Variants in LRBA observed in about 807,000 individuals in gnomAD.
The protein encoded by LRBA is lipopolysaccharide-responsive and beige-like anchor protein.
In LRBA, 176 loss-of-function variants were observed where a neutral mutation model predicts 330.0. The ratio of observed to expected loss-of-function variants is 0.53; its 90% CI spans 0.47 to 0.60. LRBA has a LOEUF of 0.60. LRBA is among the 20% of genes least tolerant of loss of function. The probability of loss-of-function intolerance (pLI) is 0.00; values close to 1 mark genes in which losing one functional copy is unlikely to be tolerated. For synonymous variants in LRBA, 1,230 were observed against 1,193.0 expected (o/e 1.03, Z -0.64); for missense variants, 3,259 against 3,444.8 (o/e 0.95, Z 1.35).
At chr4:150,960,441 A>C (rs903188718) in intron 2 of LRBA, among the ~76,000 whole-genome samples, 6 of 149,402 alleles carry the variant, frequency 4.0e-5, no homozygotes, top group Admixed American at 3.3e-4. Context: ...CAGGTTTTTT[A>C]AAAGGTCCAG....
At chr4:150,960,454 T>A (rs1738023179) in intron 2 of LRBA, among the ~76,000 whole-genome samples, 1 of 149,232 alleles carries the variant, frequency 6.7e-6, no homozygotes, top group South Asian at 2.1e-4. Flanking sequence ...AGGTCCAGGT[T>A]TTTTTAACAG....
At chr4:150,598,554 G>A (rs1191436761) in intron 38 of LRBA, among the ~76,000 whole-genome samples, 2 of 151,998 alleles carry the variant, frequency 1.3e-5, no homozygotes, top group Non-Finnish European at 1.5e-5. Context: ...TAGGCAATTG[G>A]ACATTTATTA....
chr4:150,789,406 T>C (rs1342969251), intron 34 of LRBA, among the ~76,000 whole-genome samples: 1 of 152,210 alleles, frequency 6.6e-6, no homozygotes, highest in African/African-American at 2.4e-5. Flanking sequence ...AAATGTACAA[T>C]AGATGGAATG....
intron 44 of LRBA, among the ~76,000 whole-genome samples, chr4:150,456,371 GGAGT>G (rs1348356050): frequency 6.6e-6 from 1 of 152,124 alleles, no homozygotes; most frequent in Non-Finnish European, 1.5e-5. Context: ...CATTTTAATT[GGAGT>G]GAGATGATAG....
intron 3 of LRBA, 67 bp from the exon 4 acceptor site, chr4:150,928,683 G>T: frequency 7.3e-7 from 1 of 1,378,880 alleles, no homozygotes; most frequent in Non-Finnish European, 1.0e-6. Context: ...AAAATAAACT[G>T]TGCTTATTTA....
intron 34 of LRBA, among the ~76,000 whole-genome samples, chr4:150,772,509 G>A (rs992007597): frequency 3.3e-5 from 5 of 152,158 alleles, no homozygotes; most frequent in Non-Finnish European, 5.9e-5. Context: ...TGGCTTAGTA[G>A]GACAGATAAC....
chr4:150,814,156 A>C (rs1744204185), intron 31 of LRBA, among the ~76,000 whole-genome samples: 1 of 152,120 alleles, frequency 6.6e-6, no homozygotes, highest in African/African-American at 2.4e-5. Flanking sequence ...AAAGTCAAAA[A>C]ATTGTTAAGA....
intron 22 of LRBA, among the ~76,000 whole-genome samples, chr4:150,857,001 A>G (rs1258468877): frequency 1.3e-5 from 2 of 152,292 alleles, no homozygotes; most frequent in African/African-American, 4.8e-5. Flanking sequence ...TTTAATCTAT[A>G]CATTAAAACC....
intron 35 of LRBA, among the ~76,000 whole-genome samples, chr4:150,735,878 A>T (rs1731115153): frequency 6.6e-6 from 1 of 152,216 alleles, no homozygotes. Context: ...AGCAGGAATC[A>T]AGTGTACCCC....
chr4:150,914,512 G>C (rs1316446592), intron 8 of LRBA, among the ~76,000 whole-genome samples, 171 bp from the exon 9 acceptor site: 1 of 152,070 alleles, frequency 6.6e-6, no homozygotes, highest in Non-Finnish European at 1.5e-5. Context: ...TGTATGTAAT[G>C]ACATTAGGGG....
intron 37 of LRBA, among the ~76,000 whole-genome samples, chr4:150,636,753 T>A (rs911635791): frequency 6.6e-5 from 10 of 152,176 alleles, no homozygotes; most frequent in African/African-American, 2.4e-4. Flanking sequence ...GCTCAAGCGA[T>A]CCTTCTGCCT....
At chr4:150,405,288 T>C (rs1451354845) in intron 47 of LRBA, among the ~76,000 whole-genome samples, 1 of 152,196 alleles carries the variant, frequency 6.6e-6, no homozygotes, top group Non-Finnish European at 1.5e-5. Flanking sequence ...TTGTTAGTAA[T>C]ACAGAAAAGG....
At chr4:150,759,624 A>C (rs907683987) in intron 35 of LRBA, among the ~76,000 whole-genome samples, 1 of 152,046 alleles carries the variant, frequency 6.6e-6, no homozygotes. Context: ...CATCTGCTCC[A>C]TATTTTTTCT....
At chr4:150,305,550 C>T (rs1342682261) in intron 52 of LRBA, among the ~76,000 whole-genome samples, 1 of 152,076 alleles carries the variant, frequency 6.6e-6, no homozygotes, top group Admixed American at 6.5e-5. Context: ...GTGGGGCAGA[C>T]AGTCATTAAA....
chr4:150,456,091 C>T (rs151237926), intron 44 of LRBA, among the ~76,000 whole-genome samples: 9 of 152,252 alleles, frequency 5.9e-5, no homozygotes, highest in Non-Finnish European at 1.2e-4. Flanking sequence ...ACTTAGGTTG[C>T]TTCCAAATCT....
chr4:150,478,955 T>A (rs1459721515), intron 42 of LRBA, among the ~76,000 whole-genome samples: 1 of 152,200 alleles, frequency 6.6e-6, no homozygotes, highest in Non-Finnish European at 1.5e-5. Flanking sequence ...TGACACATTG[T>A]AAGTGAAAAT....
At chr4:150,421,196 A>G (rs1318040095) in intron 46 of LRBA, among the ~76,000 whole-genome samples, 1 of 135,896 alleles carries the variant, frequency 7.4e-6, no homozygotes, top group African/African-American at 2.7e-5. Context: ...TATAAAACAT[A>G]TATAATATAT....
At position 150,365,160 on chromosome 4, in the gene LRBA, C is replaced by A. The variant is rs192465153; in HGVS notation, c.7195-15001G>T. Among the ~76,000 whole-genome samples the A allele has an allele frequency of 1.1e-3, 160 of 152,060 alleles. 4 individuals carry two copies. Among genetic ancestry groups the A allele is most frequent in the African/African-American group, 3.8e-3 (157 of 41,462 alleles). ...AAGTAGCTGGACTACAAGCATGCCA[C>A]CACACCCGGCGAATTTTTTTATGTT... On this transcript the variant is annotated intron_variant, in intron 47 of 56. Coordinates refer to ENST00000651943, the MANE Select transcript of LRBA (RefSeq NM_001364905.1).
In LRBA at chr4:150,852,015, A is replaced by T. The variant is rs1750673841; in HGVS notation, c.3695T>A (p.Val1232Asp). ...CTTTTGCTCAGAAGAAGCCTCAGAGACACTACCATGACAATCATTAATTAA... is the reference window on the plus strand; with the variant it reads ...CTTTTGCTCAGAAGAAGCCTCAGAGTCACTACCATGACAATCATTAATTAA... Reference protein sequence around the residue: ...TKLINDCHGSVSEASSEQKIA... With the variant: ...TKLINDCHGSDSEASSEQKIA... Residue 1232 changes from valine to aspartate, a missense_variant, in exon 23 of 57, where the codon GTC becomes GAC. Val to Asp is a radical substitution (Grantham distance 152). Coordinates refer to ENST00000651943, the MANE Select transcript of LRBA (RefSeq NM_001364905.1). 2 of 1,614,046 alleles carry T rather than the reference A, an allele frequency of 1.2e-6. No individual in the cohort carries two copies. Among genetic ancestry groups the T allele is most frequent in the Non-Finnish European group, 1.7e-6 (2 of 1,180,010 alleles).
Sources: gnomAD v4.1 joint callset for allele counts (sites outside exome capture counted in the v4.1 genomes callset) on GRCh38, gnomAD v4.1.1 for gene constraint, MANE v1.5 for transcripts, NCBI Gene and HGNC (gene_info 2026-07-23, HGNC 2026-07-21) for gene names.